Variants in CACNA1D observed in about 807,000 individuals in gnomAD.
CACNA1D encodes the protein calcium voltage-gated channel subunit alpha1 D.
In CACNA1D, 55 loss-of-function variants were observed where a neutral mutation model predicts 257.1. That is an observed-to-expected ratio of 0.21 (90% CI 0.17 to 0.27). The LOEUF is 0.27. Among genes scored for constraint, CACNA1D ranks in the 10% least tolerant of loss-of-function variants. The pLI, the probability that CACNA1D is intolerant of heterozygous loss-of-function variation, is 1.00. For missense variants in CACNA1D, 1,876 were observed against 2,784.0 expected (o/e 0.67, Z 7.34); for synonymous variants, 980 against 1,014.9 (o/e 0.97, Z 0.65).
intron 7 of CACNA1D, among the ~76,000 whole-genome samples, chr3:53,668,596 G>A (rs1576295278): frequency 6.6e-6 from 1 of 152,180 alleles, no homozygotes; most frequent in Non-Finnish European, 1.5e-5. Flanking sequence ...GATGGAGACA[G>A]TGGCGTAGAG....
intron 3 of CACNA1D, among the ~76,000 whole-genome samples, chr3:53,503,525 C>T (rs1256787421): frequency 6.6e-6 from 1 of 152,130 alleles, no homozygotes; most frequent in Non-Finnish European, 1.5e-5. Flanking sequence ...AAAATAAATA[C>T]CTTTCAGAAA....
At chr3:53,534,928 C>A (rs912077837) in intron 3 of CACNA1D, among the ~76,000 whole-genome samples, 2 of 152,186 alleles carry the variant, frequency 1.3e-5, no homozygotes, top group Non-Finnish European at 1.5e-5. Flanking sequence ...TTCTCCTTGT[C>A]TCTCTTTCTG....
intron 30 of CACNA1D, among the ~76,000 whole-genome samples, chr3:53,768,545 T>C (rs2108991243): frequency 6.6e-6 from 1 of 152,362 alleles, no homozygotes; most frequent in African/African-American, 2.4e-5. Context: ...TGATATTTCT[T>C]TTGAGACGAA....
intron 3 of CACNA1D, among the ~76,000 whole-genome samples, chr3:53,563,195 G>T (rs2092771172): frequency 6.6e-6 from 1 of 151,948 alleles, no homozygotes; most frequent in Non-Finnish European, 1.5e-5. Flanking sequence ...CTTATCCTCT[G>T]TCCCCCTCCC....
At chr3:53,539,631 A>G (rs1195844455) in intron 3 of CACNA1D, among the ~76,000 whole-genome samples, 2 of 152,230 alleles carry the variant, frequency 1.3e-5, no homozygotes, top group Non-Finnish European at 2.9e-5. Flanking sequence ...GGGTATATAC[A>G]TAGAAGTCGA....
chr3:53,660,564 A>G (rs1409895633), intron 5 of CACNA1D, among the ~76,000 whole-genome samples: 5 of 152,084 alleles, frequency 3.3e-5, no homozygotes, highest in Non-Finnish European at 7.4e-5. Flanking sequence ...CAGGCCTTTA[A>G]TTCCAGTCTA....
Position 53,810,305 on chromosome 3 carries a change from A to ACGGC in CACNA1D, c.6192+10_6192+11insCCGG. The ACGGC allele has an allele frequency of 6.2e-7, 1 of 1,613,384 alleles. No individual in the cohort carries two copies. Among genetic ancestry groups the ACGGC allele is most frequent in the Non-Finnish European group, 8.5e-7 (1 of 1,179,910 alleles). ...GGACAGCTTGGTGGAGGCAGTGAGT[A>ACGGC]CGGTTCTTGGCCGTGGTGGGCAGGA... is the stretch of plus-strand genomic sequence containing the variant. On this transcript the variant is annotated splice_region_variant and intron_variant, in intron 47 of 47. Coordinates refer to ENST00000350061, the MANE Select transcript of CACNA1D (RefSeq NM_001128840.3).
chr3:53,605,322 A>C (rs1286851493), intron 3 of CACNA1D, among the ~76,000 whole-genome samples: 1 of 152,170 alleles, frequency 6.6e-6, no homozygotes, highest in Admixed American at 6.5e-5. Flanking sequence ...TGGCCCCTCA[A>C]AGTACTTTCA....
intron 43 of CACNA1D, among the ~76,000 whole-genome samples, chr3:53,802,379 A>G (rs1479755054): frequency 1.3e-5 from 2 of 152,222 alleles, no homozygotes; most frequent in African/African-American, 2.4e-5. Context: ...CTCTGTTGCC[A>G]TCCAAGGACT....
At chr3:53,719,905 G>A in intron 11 of CACNA1D, 124 bp downstream of exon 11, 1 of 907,470 alleles carries the variant, frequency 1.1e-6, no homozygotes, top group Non-Finnish European at 1.9e-6. Flanking sequence ...CATTGATACT[G>A]AATTGCAGTC....
chr3:53,747,522 A>G, intron 26 of CACNA1D, 74 bp downstream of exon 26: 1 of 1,471,560 alleles, frequency 6.8e-7, no homozygotes, highest in Non-Finnish European at 9.5e-7. Context: ...TCCTGGAGTC[A>G]GTCCCATTTC....
At chr3:53,518,103 T>C (rs1321327780) in intron 3 of CACNA1D, among the ~76,000 whole-genome samples, 1 of 152,224 alleles carries the variant, frequency 6.6e-6, no homozygotes, top group African/African-American at 2.4e-5. Context: ...GGGTCTTGCC[T>C]GCTTTCTCTG....
chr3:53,708,007 T>A (rs1440252015), intron 9 of CACNA1D, among the ~76,000 whole-genome samples: 1 of 152,226 alleles, frequency 6.6e-6, no homozygotes, highest in Non-Finnish European at 1.5e-5. Flanking sequence ...TCTTCAGTGG[T>A]CCTGGAGGCT....
At chr3:53,663,414 C>T (rs1486828438) in intron 5 of CACNA1D, among the ~76,000 whole-genome samples, 1 of 152,246 alleles carries the variant, frequency 6.6e-6, no homozygotes, top group African/African-American at 2.4e-5. Context: ...GTGCTGAGGT[C>T]GTGGGGCCAT....
At chr3:53,707,190 G>A (rs946467068) in intron 9 of CACNA1D, among the ~76,000 whole-genome samples, 12 of 151,990 alleles carry the variant, frequency 7.9e-5, no homozygotes, top group Non-Finnish European at 1.3e-4. Context: ...ATGCGTCTGC[G>A]ATGCCCAACA....
intron 8 of CACNA1D, among the ~76,000 whole-genome samples, chr3:53,691,711 T>TATATATATTACAG (rs1242927199): frequency 2.1e-3 from 102 of 48,154 alleles, no homozygotes; most frequent in African/African-American, 2.8e-3. Flanking sequence ...ACATATATAA[T>TATATATATTACAG]ATATATATTA....
rs567955900 is a variant in CACNA1D at position 53,633,315 on chromosome 3, G to A, written c.484-17464G>A. Among the ~76,000 whole-genome samples the A allele has an allele frequency of 1.6e-3, 242 of 152,224 alleles. 1 individual carries two copies. The highest frequency in any genetic ancestry group is 5.5e-3 in the African/African-American group (229 of 41,536). Reference sequence around the variant, plus strand: ...TCAAGACCAGCCTAGGCAATGTGGCGTAACCACATTTCTTAAAAAAATATT... The same window carrying A: ...TCAAGACCAGCCTAGGCAATGTGGCATAACCACATTTCTTAAAAAAATATT... On this transcript the variant is annotated intron_variant, in intron 3 of 47. Coordinates refer to ENST00000350061, the MANE Select transcript of CACNA1D (RefSeq NM_001128840.3).
rs2094342837 is a variant in CACNA1D, at chr3:53,673,227, C to T, written c.1220+101C>T. The stretch of plus-strand genomic sequence containing the variant: ...AGGGCCGCCAAGAGGGGTTGCCAGA[C>T]ATTTTATGTGTCCTCTGAGATGCTT... On this transcript the variant is annotated intron_variant, in intron 8 of 47. Coordinates refer to ENST00000350061, the MANE Select transcript of CACNA1D (RefSeq NM_001128840.3). The surrounding 1 kb of genome is among the most constrained non-coding windows in gnomAD (Gnocchi z 4.1). 3 of 740,258 alleles carry T rather than the reference C, an allele frequency of 4.1e-6. No homozygotes were observed. Among genetic ancestry groups the T allele is most frequent in the Non-Finnish European group, 4.7e-6 (2 of 425,248 alleles). 45.9% of individuals were successfully genotyped at this position (740,258 alleles called of 1,614,324 possible).
chr3:53,710,321 C>T lies in CACNA1D; in HGVS notation c.1390+7511C>T, dbSNP rs938065106. ...GCAACCTGGCTGGCAGGGCTGGCCGCGTGGGGCCCTGGTTTGGCTGCTGTT... is the reference window on the plus strand; with the variant it reads ...GCAACCTGGCTGGCAGGGCTGGCCGTGTGGGGCCCTGGTTTGGCTGCTGTT... On this transcript the variant is annotated intron_variant, in intron 9 of 47. Coordinates refer to ENST00000350061, the MANE Select transcript of CACNA1D (RefSeq NM_001128840.3). 6.9e-4 allele frequency: 303 copies of T among 440,988 alleles called. 2 individuals are homozygous for T. The highest frequency in any genetic ancestry group is 1.3e-3 in the Middle Eastern group (4 of 3,000). 27.3% of individuals were successfully genotyped at this position (440,988 alleles called of 1,614,324 possible). A position where few individuals can be genotyped will look rare whatever the true frequency, so the allele number is the denominator to read the frequency against.
Sources: allele counts gnomAD v4.1 joint callset (sites outside exome capture counted in the v4.1 genomes callset), GRCh38; gene constraint gnomAD v4.1.1; non-coding constraint Gnocchi (gnomAD v3.1); transcripts MANE v1.5; gene names NCBI Gene and HGNC (gene_info 2026-07-23, HGNC 2026-07-21).